SLC26A7: variants seen among roughly 807,000 people sequenced by gnomAD.
The protein encoded by SLC26A7 is solute carrier family 26 member 7.
In SLC26A7, 59 loss-of-function variants were observed where a neutral mutation model predicts 82.5. The ratio of observed to expected loss-of-function variants is 0.72; its 90% CI spans 0.58 to 0.89. SLC26A7 has a LOEUF of 0.89. Among genes scored for constraint, SLC26A7 ranks in the 40% least tolerant of loss-of-function variants. The pLI, the probability that SLC26A7 is intolerant of heterozygous loss-of-function variation, is 0.00. For missense variants in SLC26A7, 820 were observed against 793.0 expected, an observed-to-expected ratio of 1.03 and a Z score of -0.41; for synonymous variants, 271 against 274.3, an observed-to-expected ratio of 0.99 and a Z score of 0.12.
chr8:91,293,763 A>C (rs1811940763), intron 3 of SLC26A7, among the ~76,000 whole-genome samples: 1 of 152,212 alleles, frequency 6.6e-6, no homozygotes, highest in African/African-American at 2.4e-5. Flanking sequence ...CAATTTGTTC[A>C]GTGGCTTTTG....
chr8:91,380,777 G>T (rs576054368), intron 15 of SLC26A7, among the ~76,000 whole-genome samples: 1 of 152,206 alleles, frequency 6.6e-6, no homozygotes, highest in East Asian at 1.9e-4. Flanking sequence ...CAGCAATTCT[G>T]CTCTTAGTTG....
chr8:91,217,015 G>A (rs1467917284), intron 1 of SLC26A7, among the ~76,000 whole-genome samples: 1 of 151,964 alleles, frequency 6.6e-6, no homozygotes, highest in Non-Finnish European at 1.5e-5. Flanking sequence ...TTCTTATATT[G>A]TGAAATCTTG....
At chr8:91,216,519 G>C (rs1335548109) in intron 1 of SLC26A7, among the ~76,000 whole-genome samples, 1 of 152,090 alleles carries the variant, frequency 6.6e-6, no homozygotes, top group Non-Finnish European at 1.5e-5. Flanking sequence ...GTTTCTTAAA[G>C]AGGAGCTGAG....
intron 2 of SLC26A7, among the ~76,000 whole-genome samples, chr8:91,260,833 C>G (rs887684832): frequency 2.0e-5 from 3 of 152,038 alleles, no homozygotes; most frequent in African/African-American, 7.2e-5. Context: ...CTCAACCTCT[C>G]TAATGATTAG....
chr8:91,234,038 CAAGAATAGATTT>C (rs1810351438), intron 2 of SLC26A7, among the ~76,000 whole-genome samples: 1 of 152,144 alleles, frequency 6.6e-6, no homozygotes. Flanking sequence ...AAAACTGAAA[CAAGAATAGATTT>C]AACACTGGTT....
At chr8:91,235,015 G>A (rs1810373456) in intron 2 of SLC26A7, among the ~76,000 whole-genome samples, 1 of 151,902 alleles carries the variant, frequency 6.6e-6, no homozygotes, top group Non-Finnish European at 1.5e-5. Context: ...TACCTCCTGG[G>A]CTCAAGTTAT....
chr8:91,340,943 T>G (rs1214187016), intron 8 of SLC26A7, among the ~76,000 whole-genome samples: 1 of 152,176 alleles, frequency 6.6e-6, no homozygotes, highest in East Asian at 1.9e-4. Flanking sequence ...GGATGTAGAT[T>G]ATACTGATCA....
chr8:91,255,392 C>T (rs1810774131), intron 2 of SLC26A7, among the ~76,000 whole-genome samples: 1 of 152,108 alleles, frequency 6.6e-6, no homozygotes, highest in East Asian at 1.9e-4. Flanking sequence ...AGTGGAAATT[C>T]CTGAGGCATA....
chr8:91,226,367 T>C (rs895108073), intron 2 of SLC26A7, among the ~76,000 whole-genome samples: 34 of 152,202 alleles, frequency 2.2e-4, no homozygotes, highest in African/African-American at 7.5e-4. Flanking sequence ...ATTTTGGAGA[T>C]TTTAGAAGCT....
intron 2 of SLC26A7, among the ~76,000 whole-genome samples, chr8:91,278,229 A>AG (rs764747547): frequency 4.8e-5 from 7 of 146,742 alleles, no homozygotes; most frequent in Non-Finnish European, 1.0e-4. Context: ...CCACGGCTCC[A>AG]GAAAAAAAAA....
At chr8:91,343,536 G>C in intron 9 of SLC26A7, 70 bp downstream of exon 9, 8 of 1,051,804 alleles carry the variant, frequency 7.6e-6, no homozygotes, top group Non-Finnish European at 1.1e-5. Context: ...AGTGGGAAGA[G>C]CTAGCTTCTC....
chr8:91,289,280 C>A, intron 3 of SLC26A7, 34 bp downstream of exon 3: 1 of 1,514,450 alleles, frequency 6.6e-7, no homozygotes. Context: ...TCTAATGTTA[C>A]TCGCAAAAAA....
chr8:91,374,442 T>C (rs1814453040), intron 15 of SLC26A7, among the ~76,000 whole-genome samples: 1 of 151,994 alleles, frequency 6.6e-6, no homozygotes, highest in Non-Finnish European at 1.5e-5. Flanking sequence ...TACTGATTTG[T>C]TTCAAAAATA....
At chr8:91,209,564 C>G (rs1809868171) in intron 1 of SLC26A7, 1 of 152,208 alleles carries the variant, frequency 6.6e-6, no homozygotes, top group Non-Finnish European at 1.5e-5. Context: ...ATAGAATATT[C>G]TTTGGACGTG....
At position 91,367,299 on chromosome 8, in the gene SLC26A7, C is replaced by T. The variant is rs147065191; in HGVS notation, c.1626+582C>T. On this transcript the variant is annotated intron_variant, in intron 14 of 18. Transcript: ENST00000276609. ...CTGGGATTACAGGCGTGAGCCACTG[C>T]GCCCAGTCGAAAGGATCTTTTCTTT... Among the ~76,000 whole-genome samples the T allele has an allele frequency of 5.7e-3, 871 of 152,230 alleles. 8 individuals are homozygous for T. Among genetic ancestry groups the T allele is most frequent in the African/African-American group, 0.02 (840 of 41,542 alleles).
intron 5 of SLC26A7, among the ~76,000 whole-genome samples, chr8:91,320,540 A>T (rs1277554609): frequency 6.6e-6 from 1 of 152,176 alleles, no homozygotes; most frequent in African/African-American, 2.4e-5. Context: ...TGGTGATCTG[A>T]GTGTTAGATT....
At chr8:91,327,901 T>G (rs1020217371) in intron 5 of SLC26A7, among the ~76,000 whole-genome samples, 1 of 152,110 alleles carries the variant, frequency 6.6e-6, no homozygotes, top group African/African-American at 2.4e-5. Context: ...TTATGGATAA[T>G]TCAAAGATGT....
At chr8:91,231,148 T>C (rs1382146305) in intron 2 of SLC26A7, among the ~76,000 whole-genome samples, 6 of 152,142 alleles carry the variant, frequency 3.9e-5, no homozygotes, top group Non-Finnish European at 8.8e-5. Context: ...TTTGATTTTA[T>C]GATAGACGTG....
chr8:91,372,609 T>C (rs1814397182), intron 15 of SLC26A7, among the ~76,000 whole-genome samples: 1 of 152,094 alleles, frequency 6.6e-6, no homozygotes, highest in Admixed American at 6.6e-5. Context: ...TTTGTACCAG[T>C]ACCATGCTTT....
Sources: gnomAD v4.1 joint callset for allele counts (sites outside exome capture counted in the v4.1 genomes callset) on GRCh38, gnomAD v4.1.1 for gene constraint, MANE v1.5 for transcripts, NCBI Gene and HGNC (gene_info 2026-07-23, HGNC 2026-07-21) for gene names.